The following SPP1 variants were observed in gnomAD, a reference collection of about 807,000 sequenced individuals.
SPP1 encodes the protein secreted phosphoprotein 1, also known as osteopontin.
Under a neutral mutation model 20.8 loss-of-function variants are expected in SPP1, and 18 were observed. The observed-to-expected ratio is 0.87, with a 90% confidence interval of 0.60 to 1.29. The LOEUF is 1.29. Among genes scored for constraint, SPP1 ranks in the 50% most tolerant of loss-of-function variants. The pLI, the probability that SPP1 is intolerant of heterozygous loss-of-function variation, is 0.00. For missense variants in SPP1, 363 were observed against 389.0 expected, an observed-to-expected ratio of 0.93 and a Z score of 0.56; for synonymous variants, 146 against 141.5, an observed-to-expected ratio of 1.03 and a Z score of -0.23.
At chr4:87,977,499 A>G (rs988867648) in intron 3 of SPP1, among the ~76,000 whole-genome samples, 2 of 152,250 alleles carry the variant, frequency 1.3e-5, no homozygotes, top group African/African-American at 4.8e-5. Flanking sequence ...TTGTATGACC[A>G]TAATATTCAC....
chr4:87,978,332 T>C (rs1263804663), intron 3 of SPP1, among the ~76,000 whole-genome samples: 1 of 151,662 alleles, frequency 6.6e-6, no homozygotes, highest in African/African-American at 2.4e-5. Context: ...TAGATAGATA[T>C]GAAAAAGTGA....
At position 87,983,143 on chromosome 4, in the gene SPP1, T is replaced by C; in HGVS notation, c.*247T>C. 2.8e-6 allele frequency: 1 copy of C among 358,830 alleles called. No individual in the cohort carries two copies. The highest frequency in any genetic ancestry group is 5.7e-5 in the South Asian group (1 of 17,554). 22.2% of individuals were successfully genotyped at this position (358,830 alleles called of 1,614,324 possible). On this transcript the variant is annotated 3_prime_UTR_variant, in exon 7 of 7. Transcript: ENST00000395080. ...CTATAGAAGAAATGCAAACTATCAC[T>C]GTATTTTAATATTTGTTATTCTCTC...
Position 87,981,807 on chromosome 4 carries a change from T to C in SPP1, c.540+9T>C, listed in dbSNP as rs1053827014. 6.2e-7 allele frequency: 1 copy of C among 1,611,486 alleles called. No homozygotes were observed. Among genetic ancestry groups the C allele is most frequent in the African/African-American group, 1.3e-5 (1 of 75,002 alleles). On this transcript the variant is annotated intron_variant, in intron 6 of 6. Coordinates refer to ENST00000395080, the MANE Select transcript of SPP1 (RefSeq NM_001040058.2). Reference sequence around the variant, plus strand: ...GCAGACCTGACATCCAGGTAAATCCTTTAACAGACACACCTGATGGTTCTG... The same window carrying C: ...GCAGACCTGACATCCAGGTAAATCCCTTAACAGACACACCTGATGGTTCTG...
At chr4:87,976,978 TC>T in intron 2 of SPP1, 29 bp downstream of exon 2, 1 of 1,613,430 alleles carries the variant, frequency 6.2e-7, no homozygotes, top group African/African-American at 1.3e-5. Flanking sequence ...TAAAGAAAAT[TC>T]CTGAAAATAA....
intron 3 of SPP1, among the ~76,000 whole-genome samples, chr4:87,978,957 G>A (rs967092764): frequency 2.6e-5 from 4 of 152,072 alleles, no homozygotes; most frequent in African/African-American, 9.7e-5. Flanking sequence ...CCACTCCTTT[G>A]CAGTAGCATA....
Position 87,982,661 on chromosome 4 carries a change from C to G in SPP1, c.710C>G (p.Thr237Ser). 4 of 1,614,032 alleles carry G rather than the reference C, an allele frequency of 2.5e-6. No homozygotes were observed. The highest frequency in any genetic ancestry group is 3.4e-6 in the Non-Finnish European group (4 of 1,180,020). ...CAGCTGGATGACCAGAGTGCTGAAA[C>G]CCACAGCCACAAGCAGTCCAGATTA... ...TSQLDDQSAETHSHKQSRLYK... is the reference protein window; with the variant it reads ...TSQLDDQSAESHSHKQSRLYK... Residue 237 changes from threonine to serine, a missense_variant, in exon 7 of 7, where the codon ACC becomes AGC. Physicochemically the swap from Thr to Ser is moderately conservative, Grantham distance 58. Coordinates refer to ENST00000395080, the MANE Select transcript of SPP1 (RefSeq NM_001040058.2).
At chr4:87,979,666 A>G (rs1725567039) in intron 3 of SPP1, among the ~76,000 whole-genome samples, 1 of 152,154 alleles carries the variant, frequency 6.6e-6, no homozygotes, top group African/African-American at 2.4e-5. Context: ...AAAAGAAAGC[A>G]CAGTGTGAAG....
intron 3 of SPP1, chr4:87,977,805 T>A: frequency 2.3e-6 from 3 of 1,282,708 alleles, no homozygotes; most frequent in Non-Finnish European, 3.0e-6. Context: ...TAGAGCTGCC[T>A]TGGGGGTCAC....
rs1725729084 is a variant in SPP1, at chr4:87,983,064, C to T, written c.*168C>T. On this transcript the variant is annotated 3_prime_UTR_variant, in exon 7 of 7. Transcript: ENST00000395080. ...GTTTGATAATTAGTTTAGTTTGTGG[C>T]TTCATGGAAACTCCCTGTAAACTAA... 1.4e-6 allele frequency: 1 copy of T among 725,692 alleles called. No homozygotes were observed. The highest frequency in any genetic ancestry group is 1.8e-5 in the African/African-American group (1 of 55,866). The allele number at this position is 725,692 out of a possible 1,614,324, so 45.0% of individuals were successfully genotyped here.
rs1310804844 is a variant in SPP1, at chr4:87,983,378, GC to G, written c.*483del. The G allele has an allele frequency of 1.3e-5, 2 of 154,482 alleles. No individual in the cohort carries two copies. The highest frequency in any genetic ancestry group is 2.9e-5 in the Non-Finnish European group (2 of 69,490). The allele number at this position is 154,482 out of a possible 1,614,324, so 9.6% of individuals were successfully genotyped here. A position where few individuals can be genotyped will look rare whatever the true frequency, so the allele number is the denominator to read the frequency against. The stretch of plus-strand genomic sequence containing the variant: ...TTATTTGTTTTCCCACGGTTGTCCA[GC>G]AATTAATAAAACATAACCTTTTTTA... On this transcript the variant is annotated 3_prime_UTR_variant, in exon 7 of 7. Coordinates refer to ENST00000395080, the MANE Select transcript of SPP1 (RefSeq NM_001040058.2).
intron 1 of SPP1, among the ~76,000 whole-genome samples, chr4:87,976,373 T>C (rs938986685): frequency 1.3e-5 from 2 of 152,230 alleles, no homozygotes; most frequent in Non-Finnish European, 2.9e-5. Flanking sequence ...CTTACTTAAA[T>C]AACAAATTTC....
chr4:87,977,724 C>A, intron 3 of SPP1: 1 of 1,277,926 alleles, frequency 7.8e-7, no homozygotes, highest in South Asian at 1.3e-5. Flanking sequence ...AACAAATGGG[C>A]ATTGTCCCCA....
chr4:87,977,507 C>A (rs1187593798), intron 3 of SPP1, among the ~76,000 whole-genome samples: 2 of 152,102 alleles, frequency 1.3e-5, no homozygotes, highest in African/African-American at 4.8e-5. Context: ...CCATAATATT[C>A]ACAATATTGT....
In SPP1 at chr4:87,982,805, T is replaced by C; in HGVS notation, c.854T>C (p.Leu285Pro). 6.2e-7 allele frequency: 1 copy of C among 1,614,224 alleles called. No individual in the cohort carries two copies. The highest frequency in any genetic ancestry group is 8.5e-7 in the Non-Finnish European group (1 of 1,180,032). Reference protein sequence around the residue: ...SHEFHSHEDMLVVDPKSKEED... With the variant: ...SHEFHSHEDMPVVDPKSKEED... ...GAATTTCACAGCCATGAAGATATGC[T>C]GGTTGTAGACCCCAAAAGTAAGGAA... Residue 285 changes from leucine to proline, a missense_variant, in exon 7 of 7, where the codon CTG (leucine) becomes CCG (proline). Physicochemically the swap from Leu to Pro is moderately conservative, Grantham distance 98. Transcript: ENST00000395080.
At chr4:87,978,450 C>T (rs1461254871) in intron 3 of SPP1, among the ~76,000 whole-genome samples, 1 of 132,904 alleles carries the variant, frequency 7.5e-6, no homozygotes, top group African/African-American at 2.9e-5. Context: ...GGCTGGAGTG[C>T]AGTGGTGTGA....
intron 6 of SPP1, 147 bp downstream of exon 6, chr4:87,981,945 C>A: frequency 1.3e-6 from 1 of 746,154 alleles, no homozygotes; most frequent in Non-Finnish European, 2.1e-6. Flanking sequence ...CCATTGAATA[C>A]AAATCTTTTT....
chr4:87,979,461 C>T (rs926941348), intron 3 of SPP1, among the ~76,000 whole-genome samples: 31 of 152,052 alleles, frequency 2.0e-4, no homozygotes, highest in African/African-American at 7.2e-4. Context: ...GGGTGAGCCA[C>T]CGTGCCTAGC....
chr4:87,978,126 A>C (rs1343556288), intron 3 of SPP1: 1 of 155,774 alleles, frequency 6.4e-6, no homozygotes, highest in Admixed American at 6.5e-5. Context: ...AAAGCTAGTA[A>C]AAAATTGGGG....
chr4:87,978,500 A>G (rs898848153), intron 3 of SPP1, among the ~76,000 whole-genome samples: 1 of 138,658 alleles, frequency 7.2e-6, no homozygotes, highest in Non-Finnish European at 1.5e-5. Context: ...GGTTCACCCC[A>G]TTCTCCTGAG....
Sources: allele counts gnomAD v4.1 joint callset (sites outside exome capture counted in the v4.1 genomes callset), GRCh38; gene constraint gnomAD v4.1.1; transcripts MANE v1.5; gene names NCBI Gene and HGNC (gene_info 2026-07-23, HGNC 2026-07-21).